KIFAP3: variants seen among roughly 807,000 people sequenced by gnomAD.
The protein encoded by KIFAP3 is kinesin associated protein 3.
In KIFAP3, 68 loss-of-function variants were observed where a neutral mutation model predicts 106.5. That is an observed-to-expected ratio of 0.64 (90% CI 0.53 to 0.78). The LOEUF (loss-of-function observed/expected upper bound fraction) is 0.78, where lower values mean the gene tolerates loss of function less well. Among genes scored for constraint, KIFAP3 ranks in the 30% least tolerant of loss-of-function variants. The probability of loss-of-function intolerance (pLI) is 0.00; values close to 1 mark genes in which losing one functional copy is unlikely to be tolerated. For missense variants in KIFAP3, 780 were observed against 941.8 expected (o/e 0.83, Z 2.25); for synonymous variants, 320 against 311.5 (o/e 1.03, Z -0.29).
chr1:170,039,150 A>C (rs1404333430), intron 4 of KIFAP3, 83 bp downstream of exon 4: 2 of 713,902 alleles, frequency 2.8e-6, no homozygotes, highest in East Asian at 5.2e-5. Context: ...CATGTGCTTA[A>C]TGTGATTGTG....
chr1:169,983,499 G>A lies in KIFAP3; in HGVS notation c.1394-117C>T, dbSNP rs1472643317. On this transcript the variant is annotated intron_variant, in intron 12 of 19. Transcript: ENST00000361580. Reference sequence around the variant, plus strand: ...CTAGTAAAATGCATAACTCTTAAGGGTACAATTTGATTAATTTAGATGCAA... The same window carrying A: ...CTAGTAAAATGCATAACTCTTAAGGATACAATTTGATTAATTTAGATGCAA... 1.3e-5 allele frequency: 9 copies of A among 669,800 alleles called. No homozygotes were observed. In the African/African-American group the frequency reaches 1.5e-4, roughly 11 times the overall value. 41.5% of individuals were successfully genotyped at this position (669,800 alleles called of 1,614,324 possible). A position where few individuals can be genotyped will look rare whatever the true frequency, so the allele number is the denominator to read the frequency against.
At chr1:169,923,175 T>A in intron 19 of KIFAP3, 2 of 661,556 alleles carry the variant, frequency 3.0e-6, no homozygotes, top group Non-Finnish European at 3.7e-6. Context: ...GGGGTCCTTC[T>A]ATATAAAAAC....
Position 169,952,333 on chromosome 1 carries a change from C to A in KIFAP3, c.2273+1678G>T, listed in dbSNP as rs145619174. ...GTTGTAAAATCAATTTAGTGAGTTG[C>A]AGTTTGCATTTAAAACAGGAAGTGG... On this transcript the variant is annotated intron_variant, in intron 19 of 19. Coordinates refer to ENST00000361580, the MANE Select transcript of KIFAP3 (RefSeq NM_014970.4). Among the ~76,000 whole-genome samples the A allele has an allele frequency of 2.5e-3, 384 of 151,952 alleles. 4 individuals carry two copies. In the South Asian group the frequency reaches 0.029, roughly 11 times the overall value.
chr1:169,958,439 G>A (rs1665144268), intron 18 of KIFAP3, among the ~76,000 whole-genome samples: 1 of 151,904 alleles, frequency 6.6e-6, no homozygotes, highest in African/African-American at 2.4e-5. Context: ...TGGGCTTTTT[G>A]GTGAACTAGC....
At chr1:170,005,066 T>G (rs1667875310) in intron 10 of KIFAP3, among the ~76,000 whole-genome samples, 2 of 152,002 alleles carry the variant, frequency 1.3e-5, no homozygotes, top group South Asian at 4.2e-4. Context: ...CAGACACTTC[T>G]CAAAAGAAGA....
intron 8 of KIFAP3, among the ~76,000 whole-genome samples, chr1:170,028,296 G>A (rs952302118): frequency 3.3e-5 from 5 of 151,982 alleles, no homozygotes; most frequent in Non-Finnish European, 7.4e-5. Context: ...ATAAAATTAT[G>A]TATATAAAAT....
intron 10 of KIFAP3, among the ~76,000 whole-genome samples, chr1:170,004,671 T>C (rs1289433242): frequency 6.6e-6 from 1 of 151,722 alleles, no homozygotes. Flanking sequence ...AAGCTGAAAC[T>C]GGATCCCTTC....
At chr1:169,996,851 T>A (rs1477075512) in intron 10 of KIFAP3, among the ~76,000 whole-genome samples, 1 of 152,028 alleles carries the variant, frequency 6.6e-6, no homozygotes, top group East Asian at 1.9e-4. Context: ...AGAAATGCAA[T>A]CAGATATTTC....
At chr1:169,932,578 T>C (rs1300421319) in intron 19 of KIFAP3, among the ~76,000 whole-genome samples, 1 of 152,012 alleles carries the variant, frequency 6.6e-6, no homozygotes, top group Admixed American at 6.6e-5. Context: ...AAGTCTGACA[T>C]ATGAACAAAA....
chr1:169,928,444 T>C (rs1484057358), intron 19 of KIFAP3, among the ~76,000 whole-genome samples: 1 of 151,992 alleles, frequency 6.6e-6, no homozygotes, highest in African/African-American at 2.4e-5. Flanking sequence ...ATGCTGTTGC[T>C]TATGCCTAAA....
chr1:169,941,968 C>T (rs1419925467), intron 19 of KIFAP3, among the ~76,000 whole-genome samples: 1 of 152,016 alleles, frequency 6.6e-6, no homozygotes, highest in Non-Finnish European at 1.5e-5. Flanking sequence ...TTGATTTATT[C>T]AACATATTCA....
intron 10 of KIFAP3, among the ~76,000 whole-genome samples, chr1:170,010,453 C>A (rs775235108): frequency 2.0e-5 from 3 of 151,994 alleles, no homozygotes; most frequent in Admixed American, 2.0e-4. Flanking sequence ...ATTTTTGGTT[C>A]TATTGAATTA....
At chr1:170,032,106 A>G (rs12118739) in intron 7 of KIFAP3, 122 bp from the exon 8 acceptor site, 45,261 of 607,718 alleles carry the variant, frequency 0.074, 2,058 homozygotes, top group Middle Eastern at 0.1. Context: ...TTTCTCACCA[A>G]AAGTTTAACT....
chr1:169,981,032 C>T (rs540112815), intron 15 of KIFAP3, among the ~76,000 whole-genome samples: 148 of 152,126 alleles, frequency 9.7e-4, no homozygotes, highest in Non-Finnish European at 1.9e-3. Context: ...ACCCGGGAGG[C>T]GGAGGTTGTG....
intron 17 of KIFAP3, among the ~76,000 whole-genome samples, chr1:169,972,001 T>A (rs1005671123): frequency 1.3e-5 from 2 of 151,976 alleles, no homozygotes; most frequent in Non-Finnish European, 2.9e-5. Flanking sequence ...TTTGATCATA[T>A]CCCTCTAGTC....
chr1:169,930,352 T>C (rs1250650609), intron 19 of KIFAP3, among the ~76,000 whole-genome samples: 2 of 152,236 alleles, frequency 1.3e-5, no homozygotes, highest in African/African-American at 2.4e-5. Context: ...CCATGGCATA[T>C]TGAACATTGA....
At chr1:169,965,679 G>A (rs1665573554) in intron 17 of KIFAP3, among the ~76,000 whole-genome samples, 1 of 151,894 alleles carries the variant, frequency 6.6e-6, no homozygotes, top group Admixed American at 6.6e-5. Flanking sequence ...GTAAAAATGT[G>A]TAACAAAGAA....
chr1:170,055,263 A>C, intron 2 of KIFAP3, 42 bp downstream of exon 2: 1 of 1,539,048 alleles, frequency 6.5e-7, no homozygotes, highest in South Asian at 1.2e-5. Flanking sequence ...AAGTTTATAT[A>C]ATGTTCACTA....
At chr1:170,083,758 T>C (rs1672055975) in intron 1 of KIFAP3, among the ~76,000 whole-genome samples, 1 of 152,200 alleles carries the variant, frequency 6.6e-6, no homozygotes, top group Non-Finnish European at 1.5e-5. Context: ...TTATTAATTA[T>C]ATGACTCTAG....
Sources: gnomAD v4.1 joint callset for allele counts (sites outside exome capture counted in the v4.1 genomes callset) on GRCh38, gnomAD v4.1.1 for gene constraint, MANE v1.5 for transcripts, NCBI Gene and HGNC (gene_info 2026-07-23, HGNC 2026-07-21) for gene names.